ANKRD30A: variants seen among roughly 807,000 people sequenced by gnomAD.
ANKRD30A encodes the protein ankyrin repeat domain-containing protein 30A.
A neutral mutation model predicts 166.3 loss-of-function variants in ANKRD30A; 170 were observed. The ratio of observed to expected loss-of-function variants is 1.02; its 90% CI spans 0.90 to 1.16. The LOEUF (loss-of-function observed/expected upper bound fraction) is 1.16. ANKRD30A is among the 50% of genes most tolerant of loss of function. The probability of loss-of-function intolerance (pLI) is 0.00; values close to 1 mark genes in which losing one functional copy is unlikely to be tolerated. For missense variants in ANKRD30A, 1,630 were observed against 1,518.0 expected, an observed-to-expected ratio of 1.07 and a Z score of -1.23; for synonymous variants, 564 against 508.9, an observed-to-expected ratio of 1.11 and a Z score of -1.46.
intron 34 of ANKRD30A, among the ~76,000 whole-genome samples, chr10:37,221,145 G>A (rs1456235418): frequency 6.7e-6 from 1 of 150,246 alleles, no homozygotes; most frequent in African/African-American, 2.4e-5. Flanking sequence ...TAGTAAGAGA[G>A]TACCAGTTTG....
At chr10:37,197,823 C>T (rs182470054) in intron 29 of ANKRD30A, among the ~76,000 whole-genome samples, 48 of 152,114 alleles carry the variant, frequency 3.2e-4, no homozygotes, top group African/African-American at 7.2e-4. Flanking sequence ...TCAAATTCCA[C>T]GGTTTATTTC....
chr10:37,209,920 T>G (rs1842195584), intron 31 of ANKRD30A, among the ~76,000 whole-genome samples: 1 of 152,232 alleles, frequency 6.6e-6, no homozygotes, highest in Non-Finnish European at 1.5e-5. Flanking sequence ...AAAAATTTCC[T>G]TTGAACCTTT....
chr10:37,205,792 T>C (rs976856926), intron 31 of ANKRD30A, among the ~76,000 whole-genome samples: 2 of 152,208 alleles, frequency 1.3e-5, no homozygotes, highest in African/African-American at 4.8e-5. Context: ...TAAAACTTGT[T>C]AACAGTGCAC....
At chr10:37,260,180 C>T in the ANKRD30A span, among the ~76,000 whole-genome samples, 26 of 151,682 alleles carry the variant, frequency 1.7e-4, no homozygotes, top group African/African-American at 4.4e-4. Context: ...AATAGTGTTG[C>T]GCTTGTTAGT....
intron 18 of ANKRD30A, 88 bp downstream of exon 18, chr10:37,165,243 C>G (rs1839224225): frequency 8.2e-7 from 1 of 1,221,164 alleles, no homozygotes. Flanking sequence ...TTTCTCACCT[C>G]TGCATGTGTC....
chr10:37,253,356 A>G, the ANKRD30A span, among the ~76,000 whole-genome samples: 62 of 152,328 alleles, frequency 4.1e-4, no homozygotes, highest in African/African-American at 1.5e-3. Context: ...TACAACATAT[A>G]CCATACAATT....
At chr10:37,200,192 G>A (rs956347904) in intron 30 of ANKRD30A, among the ~76,000 whole-genome samples, 14 of 152,020 alleles carry the variant, frequency 9.2e-5, no homozygotes, top group African/African-American at 2.7e-4. Flanking sequence ...CTGCAGTATT[G>A]TAAAAGTTGG....
chr10:37,236,307 G>T (rs1303143595), downstream of ANKRD30A, among the ~76,000 whole-genome samples: 3 of 152,086 alleles, frequency 2.0e-5, no homozygotes, highest in African/African-American at 7.2e-5. Context: ...GACAACTAAT[G>T]GGAAGACATG....
At chr10:37,150,415 C>A (rs1837839658) in intron 11 of ANKRD30A, among the ~76,000 whole-genome samples, 1 of 151,932 alleles carries the variant, frequency 6.6e-6, no homozygotes, top group Non-Finnish European at 1.5e-5. Context: ...TTAGTCATTT[C>A]TTTGTGAATA....
chr10:37,258,962 CAA>C, the ANKRD30A span, among the ~76,000 whole-genome samples: 10 of 45,566 alleles, frequency 2.2e-4, no homozygotes, highest in African/African-American at 7.3e-4. Flanking sequence ...GACTCCATCT[CAA>C]AAAAAAAAAA....
chr10:37,247,695 C>T, the ANKRD30A span, among the ~76,000 whole-genome samples: 6 of 145,262 alleles, frequency 4.1e-5, no homozygotes, highest in Admixed American at 1.4e-4. Flanking sequence ...CGTGGTGAAA[C>T]GCCGTCTCTA....
chr10:37,239,450 CT>C, the ANKRD30A span, among the ~76,000 whole-genome samples: 1 of 152,088 alleles, frequency 6.6e-6, no homozygotes, highest in Non-Finnish European at 1.5e-5. Context: ...GTGAGTACCA[CT>C]TTCTTCGTGT....
chr10:37,183,614 G>C (rs1840186468), intron 24 of ANKRD30A, among the ~76,000 whole-genome samples: 1 of 146,956 alleles, frequency 6.8e-6, no homozygotes, highest in Non-Finnish European at 1.5e-5. Context: ...TTTTTCCCTA[G>C]AGAGGATCTA....
intron 5 of ANKRD30A, among the ~76,000 whole-genome samples, chr10:37,135,642 A>G (rs1465141455): frequency 6.6e-6 from 1 of 152,188 alleles, no homozygotes; most frequent in Admixed American, 6.5e-5. Context: ...GTTACTAAGC[A>G]TCATTCTATC....
intron 27 of ANKRD30A, among the ~76,000 whole-genome samples, chr10:37,195,817 G>C (rs1418350428): frequency 6.6e-6 from 1 of 152,152 alleles, no homozygotes; most frequent in African/African-American, 2.4e-5. Context: ...CTTGGAGCTT[G>C]CTCTGAGTTG....
At chr10:37,249,300 G>T in the ANKRD30A span, among the ~76,000 whole-genome samples, 1 of 152,168 alleles carries the variant, frequency 6.6e-6, no homozygotes, top group Non-Finnish European at 1.5e-5. Context: ...ATTAGTCCTT[G>T]TTGACTGTGA....
In ANKRD30A at chr10:37,197,180, A is replaced by G. The variant is rs535439059; in HGVS notation, c.2615-101A>G. The G allele has an allele frequency of 2.6e-4, 388 of 1,483,314 alleles. 6 individuals carry two copies. In the Admixed American group the frequency reaches 4.1e-3, roughly 16 times the overall value. The allele number at this position is 1,483,314 out of a possible 1,614,324, so 91.9% of individuals were successfully genotyped here. A position where few individuals can be genotyped will look rare whatever the true frequency, so the allele number is the denominator to read the frequency against. On this transcript the variant is annotated intron_variant, in intron 27 of 35. Transcript: ENST00000361713. ...CCAAATCTAAAGTATTCATTCTCCA[A>G]TTGGAGCAAGAGGAGTCAGTTAGAT...
chr10:37,239,795 T>C, the ANKRD30A span, among the ~76,000 whole-genome samples: 1 of 152,136 alleles, frequency 6.6e-6, no homozygotes, highest in Non-Finnish European at 1.5e-5. Context: ...ATTTATGTGA[T>C]TGTGTTTTTC....
chr10:37,155,838 T>G (rs1337925871), intron 13 of ANKRD30A, among the ~76,000 whole-genome samples: 1 of 152,088 alleles, frequency 6.6e-6, no homozygotes, highest in African/African-American at 2.4e-5. Flanking sequence ...TTCCAGCACT[T>G]TGGGAGGGCG....
Sources: gnomAD v4.1 joint callset for allele counts (sites outside exome capture counted in the v4.1 genomes callset) on GRCh38, gnomAD v4.1.1 for gene constraint, MANE v1.5 for transcripts, NCBI Gene and HGNC (gene_info 2026-07-23, HGNC 2026-07-21) for gene names.